MAD2L1BP: variants seen among roughly 807,000 people sequenced by gnomAD.
MAD2L1BP encodes the protein MAD2L1-binding protein.
MAD2L1BP carries 22 observed loss-of-function variants against 28.4 expected under a neutral mutation model. That is an observed-to-expected ratio of 0.77 (90% CI 0.55 to 1.10). MAD2L1BP has a LOEUF of 1.10. Ranked by LOEUF, MAD2L1BP falls within the 50% of genes least tolerant of loss-of-function variation. The probability of loss-of-function intolerance (pLI) is 0.00; values close to 1 mark genes in which losing one functional copy is unlikely to be tolerated. For synonymous variants in MAD2L1BP, 146 were observed against 133.7 expected (o/e 1.09, Z -0.63); for missense variants, 325 against 350.5 (o/e 0.93, Z 0.58).
upstream of MAD2L1BP, among the ~76,000 whole-genome samples, chr6:43,631,048 G>A (rs1769899887): frequency 6.6e-6 from 1 of 152,082 alleles, no homozygotes; most frequent in Non-Finnish European, 1.5e-5. Context: ...ACTTGGTAGA[G>A]TCCATGGCTT....
In MAD2L1BP at chr6:43,640,577, T is replaced by C; in HGVS notation, c.*44T>C. ...TAAAAACACAATGGCTGAATTATCTTTCTCCATGTGGCGCTGAATCACCCA... is the reference window on the plus strand; with the variant it reads ...TAAAAACACAATGGCTGAATTATCTCTCTCCATGTGGCGCTGAATCACCCA... On this transcript the variant is annotated 3_prime_UTR_variant, in exon 3 of 3. Coordinates refer to ENST00000372171, the MANE Select transcript of MAD2L1BP (RefSeq NM_014628.3). 6.6e-7 allele frequency: 1 copy of C among 1,520,288 alleles called. No homozygotes were observed. Among genetic ancestry groups the C allele is most frequent in the African/African-American group, 1.4e-5 (1 of 72,152 alleles). The allele number at this position is 1,520,288 out of a possible 1,614,324, so 94.2% of individuals were successfully genotyped here. A position where few individuals can be genotyped will look rare whatever the true frequency, so the allele number is the denominator to read the frequency against.
At chr6:43,632,242 ATGAT>A (rs1769963718), upstream of MAD2L1BP, among the ~76,000 whole-genome samples, 1 of 146,628 alleles carries the variant, frequency 6.8e-6, no homozygotes, top group African/African-American at 2.5e-5. Flanking sequence ...AAGAGAGAAA[ATGAT>A]TGATTGATTG....
intron 1 of MAD2L1BP, among the ~76,000 whole-genome samples, chr6:43,630,741 TAAAAAA>T (rs200805129): frequency 8.4e-6 from 1 of 118,974 alleles, no homozygotes. Context: ...AGACTCCAAC[TAAAAAA>T]AAAAAAAAAA....
intron 1 of MAD2L1BP, 78 bp downstream of exon 1, chr6:43,635,999 C>A: frequency 1.4e-6 from 2 of 1,388,528 alleles, no homozygotes; most frequent in Admixed American, 2.3e-5. Context: ...ATTCGTTTAT[C>A]CGCTGGTCCT....
At position 43,636,627 on chromosome 6, in the gene MAD2L1BP, A is replaced by G. The variant is rs754410983; in HGVS notation, c.293A>G (p.Tyr98Cys). 9.9e-6 allele frequency: 16 copies of G among 1,612,654 alleles called. No homozygotes were observed. The South Asian group carries it at 1.6e-4, about 17-fold the overall frequency. ...PLPYEQLKHF[Y>C]RKPSPQAEEM... ...CCCTATGAACAGCTTAAGCACTTTTACCGAAAACCTTCTCCCCAGGTAGGC... is the reference window on the plus strand; with the variant it reads ...CCCTATGAACAGCTTAAGCACTTTTGCCGAAAACCTTCTCCCCAGGTAGGC... Residue 98 changes from tyrosine to cysteine, a missense_variant, in exon 2 of 3, where the codon TAC (tyrosine) becomes TGC (cysteine). Tyr to Cys is a radical substitution (Grantham distance 194). Transcript: ENST00000372171.
At chr6:43,632,662 CTTTTTTTTT>C (rs775956301), upstream of MAD2L1BP, among the ~76,000 whole-genome samples, 5 of 107,368 alleles carry the variant, frequency 4.7e-5, no homozygotes, top group African/African-American at 1.4e-4. Flanking sequence ...TGACACTTGT[CTTTTTTTTT>C]TTTTTTTTTT....
chr6:43,633,838 G>A (rs1383284070), upstream of MAD2L1BP, among the ~76,000 whole-genome samples: 1 of 152,096 alleles, frequency 6.6e-6, no homozygotes, highest in East Asian at 1.9e-4. Context: ...GCCTCCCAAA[G>A]TGCTGGGAGT....
At position 43,640,644 on chromosome 6, in the gene MAD2L1BP, C is replaced by T. The variant is rs1770511119; in HGVS notation, c.*111C>T. On this transcript the variant is annotated 3_prime_UTR_variant, in exon 3 of 3. Transcript: ENST00000372171. Reference sequence around the variant, plus strand: ...AGTTGCTTCCTGGTGAGAGAGGAAGCAACTCTCCTTCTGGTTGTCTGCCTC... The same window carrying T: ...AGTTGCTTCCTGGTGAGAGAGGAAGTAACTCTCCTTCTGGTTGTCTGCCTC... 3.0e-5 allele frequency: 37 copies of T among 1,229,348 alleles called. No individual in the cohort carries two copies. The South Asian group carries it at 5.2e-4, about 17-fold the overall frequency. 76.2% of individuals were successfully genotyped at this position (1,229,348 alleles called of 1,614,324 possible). A position where few individuals can be genotyped will look rare whatever the true frequency, so the allele number is the denominator to read the frequency against.
upstream of MAD2L1BP, among the ~76,000 whole-genome samples, chr6:43,634,165 C>G (rs1770067401): frequency 6.6e-6 from 1 of 151,464 alleles, no homozygotes; most frequent in Non-Finnish European, 1.5e-5. Flanking sequence ...CCCAACAAAC[C>G]TGGTCTTATT....
At chr6:43,629,952 C>T (rs1031813063) in intron 1 of MAD2L1BP, among the ~76,000 whole-genome samples, 2 of 152,384 alleles carry the variant, frequency 1.3e-5, no homozygotes, top group Non-Finnish European at 2.9e-5. Context: ...GACCCGAACC[C>T]GTAAACCAGC....
chr6:43,633,248 C>A, upstream of MAD2L1BP: 1 of 415,066 alleles, frequency 2.4e-6, no homozygotes, highest in Non-Finnish European at 4.7e-6. Context: ...CCTCAGCTCA[C>A]CACAACTTCC....
At chr6:43,632,125 C>T (rs1013646255), upstream of MAD2L1BP, among the ~76,000 whole-genome samples, 1 of 151,648 alleles carries the variant, frequency 6.6e-6, no homozygotes, top group African/African-American at 2.4e-5. Context: ...GACTCGAACT[C>T]CCAACCTCAG....
upstream of MAD2L1BP, among the ~76,000 whole-genome samples, chr6:43,635,160 T>C (rs1471448476): frequency 6.6e-6 from 1 of 152,252 alleles, no homozygotes; most frequent in Non-Finnish European, 1.5e-5. Flanking sequence ...CTTCCCCATC[T>C]GCCTACAGGA....
upstream of MAD2L1BP, among the ~76,000 whole-genome samples, chr6:43,630,908 CAAAAAA>C (rs753239311): frequency 3.7e-5 from 2 of 53,608 alleles, no homozygotes; most frequent in African/African-American, 1.4e-4. Flanking sequence ...GACTTCGTCT[CAAAAAA>C]AAAAAAAAAA....
upstream of MAD2L1BP, among the ~76,000 whole-genome samples, chr6:43,631,123 C>T (rs1769904139): frequency 6.6e-6 from 1 of 152,044 alleles, no homozygotes; most frequent in African/African-American, 2.4e-5. Context: ...CATAATTTCC[C>T]AAAGCAGTGA....
At chr6:43,637,432 T>C (rs1770297812) in intron 2 of MAD2L1BP, among the ~76,000 whole-genome samples, 1 of 150,020 alleles carries the variant, frequency 6.7e-6, no homozygotes, top group South Asian at 2.1e-4. Flanking sequence ...CTTCTTTTTT[T>C]TTTTTTTTTT....
At chr6:43,637,533 C>T (rs1266173424) in intron 2 of MAD2L1BP, among the ~76,000 whole-genome samples, 3 of 150,512 alleles carry the variant, frequency 2.0e-5, no homozygotes, top group Non-Finnish European at 1.5e-5. Flanking sequence ...TCAAGTGATT[C>T]TCCTGCCTCA....
At chr6:43,631,413 GC>G (rs1769922347), upstream of MAD2L1BP, among the ~76,000 whole-genome samples, 1 of 152,172 alleles carries the variant, frequency 6.6e-6, no homozygotes, top group African/African-American at 2.4e-5. Flanking sequence ...CCAGCCCTGG[GC>G]CCTCTTGATA....
Position 43,640,094 on chromosome 6 carries a change from C to A in MAD2L1BP, c.386C>A (p.Ala129Glu), listed in dbSNP as rs376966883. The change falls in exon 3 of 3, where the codon GCA (alanine) becomes GAA (glutamate). Residue 129 changes from alanine (A) to glutamate (E), a missense_variant. Physicochemically the swap from Ala to Glu is moderately radical, Grantham distance 107 (BLOSUM62 -1). Transcript: ENST00000372171. ...AGCAGGAAATGCCAACAAGCCCTGG[C>A]AGAACTGGAGAGTGTCCTCAGCCAC... Reference protein sequence around the residue: ...VSSRKCQQALAELESVLSHLE... With the variant: ...VSSRKCQQALEELESVLSHLE... 1.6e-5 allele frequency: 25 copies of A among 1,594,708 alleles called. No homozygotes were observed. Among genetic ancestry groups the A allele is most frequent in the Non-Finnish European group, 2.1e-5 (24 of 1,166,940 alleles).
Sources: gnomAD v4.1 joint callset for allele counts (sites outside exome capture counted in the v4.1 genomes callset) on GRCh38, gnomAD v4.1.1 for gene constraint, MANE v1.5 for transcripts, NCBI Gene and HGNC (gene_info 2026-07-23, HGNC 2026-07-21) for gene names.